The following CADM2 variants were observed in gnomAD, a reference collection of about 807,000 sequenced individuals.
CADM2 encodes cell adhesion molecule 2.
A neutral mutation model predicts 49.8 loss-of-function variants in CADM2; 12 were observed. That is an observed-to-expected ratio of 0.24 (90% CI 0.15 to 0.39). CADM2 has a LOEUF of 0.39. Ranked by LOEUF, CADM2 falls within the 10% of genes least tolerant of loss-of-function variation. The probability of loss-of-function intolerance (pLI) is 1.00; values close to 1 mark genes in which losing one functional copy is unlikely to be tolerated. For missense variants in CADM2, 378 were observed against 492.3 expected, an observed-to-expected ratio of 0.77 and a Z score of 2.20; for synonymous variants, 214 against 175.4, an observed-to-expected ratio of 1.22 and a Z score of -1.74.
chr3:85,131,481 T>G (rs928960699), intron 1 of CADM2, among the ~76,000 whole-genome samples: 6 of 152,182 alleles, frequency 3.9e-5, no homozygotes, highest in Non-Finnish European at 8.8e-5. Context: ...ACATAATAAT[T>G]TCTAGTGTGA....
At chr3:85,168,881 ATATATT>A (rs2040543268) in intron 1 of CADM2, among the ~76,000 whole-genome samples, 1 of 152,188 alleles carries the variant, frequency 6.6e-6, no homozygotes, top group South Asian at 2.1e-4. Flanking sequence ...GGCATTTAAT[ATATATT>A]TGAATAGTGG....
intron 2 of CADM2, among the ~76,000 whole-genome samples, chr3:85,776,516 A>G (rs527800713): frequency 6.6e-6 from 1 of 152,142 alleles, no homozygotes; most frequent in South Asian, 2.1e-4. Context: ...TATTTGAATG[A>G]ACAGTTGAAT....
chr3:85,706,851 GT>G (rs2066966126), intron 1 of CADM2, among the ~76,000 whole-genome samples: 1 of 152,100 alleles, frequency 6.6e-6, no homozygotes, highest in Non-Finnish European at 1.5e-5. Context: ...AGAAAAAGGG[GT>G]TTTAATAATT....
intron 1 of CADM2, among the ~76,000 whole-genome samples, chr3:85,678,803 G>A (rs1415305591): frequency 6.6e-6 from 1 of 152,154 alleles, no homozygotes; most frequent in Non-Finnish European, 1.5e-5. Flanking sequence ...CAATAGTGCA[G>A]GGTGGCAGAT....
chr3:85,637,823 A>G (rs1412624504), intron 1 of CADM2, among the ~76,000 whole-genome samples: 2 of 152,028 alleles, frequency 1.3e-5, no homozygotes, highest in African/African-American at 4.8e-5. Context: ...GCTTTCCTCC[A>G]GGAAAAAATA....
intron 8 of CADM2, among the ~76,000 whole-genome samples, chr3:86,061,456 G>A (rs916883832): frequency 1.1e-4 from 16 of 152,060 alleles, no homozygotes; most frequent in Non-Finnish European, 4.4e-5. Flanking sequence ...GTGGGGGACA[G>A]CTGGCTATAA....
chr3:85,363,696 C>G lies in CADM2; in HGVS notation c.62-362826C>G, dbSNP rs1439750630. 4.6e-5 allele frequency among the ~76,000 whole-genome samples: 7 copies of G among 152,202 alleles called. No individual in the cohort carries two copies. The East Asian group carries it at 1.3e-3, about 29-fold the overall frequency. ...GCTCGATCTTGGCTCACTGCAAGCT[C>G]CGCCTTCTGGATTCACGCCATTCTC... On this transcript the variant is annotated intron_variant, in intron 1 of 9. Transcript: ENST00000383699.
chr3:85,032,780 G>T (rs2035042663), intron 1 of CADM2, among the ~76,000 whole-genome samples: 1 of 151,966 alleles, frequency 6.6e-6, no homozygotes, highest in Admixed American at 6.6e-5. Context: ...GAGCATTCCT[G>T]CATGACTTAC....
intron 1 of CADM2, among the ~76,000 whole-genome samples, chr3:85,487,842 A>G (rs947161638): frequency 2.0e-5 from 3 of 151,988 alleles, no homozygotes; most frequent in African/African-American, 4.8e-5. Flanking sequence ...AATACAATCT[A>G]TCTGACAAAT....
chr3:85,740,815 G>A (rs537467960), intron 2 of CADM2, among the ~76,000 whole-genome samples: 15 of 152,252 alleles, frequency 9.9e-5, no homozygotes, highest in African/African-American at 3.6e-4. Context: ...CACTGTAGCA[G>A]TTCTGTAGCT....
rs1308724084 is a variant in CADM2, at chr3:85,630,307, TCTTTAATCA to T, written c.62-96214_62-96206del. On this transcript the variant is annotated intron_variant, in intron 1 of 9. Coordinates refer to ENST00000383699, the MANE Select transcript of CADM2 (RefSeq NM_001167675.2). ...TTCCATTCCGACTTATACCTGACAATCTTTAATCATGTATCTTGTTGCACAGGAATGACT... is the reference window on the plus strand; with the variant it reads ...TTCCATTCCGACTTATACCTGACAATTGTATCTTGTTGCACAGGAATGACT... Among the ~76,000 whole-genome samples, 6 of 152,090 alleles carry T rather than the reference TCTTTAATCA, an allele frequency of 3.9e-5. No homozygotes were observed. In the East Asian group the frequency reaches 1.2e-3, roughly 29 times the overall value.
intron 8 of CADM2, among the ~76,000 whole-genome samples, chr3:86,031,334 C>A (rs994885165): frequency 2.0e-5 from 3 of 151,672 alleles, no homozygotes; most frequent in Non-Finnish European, 4.4e-5. Context: ...ATTAAAATTT[C>A]AAATTATAAA....
chr3:85,746,625 A>C (rs926195808), intron 2 of CADM2, among the ~76,000 whole-genome samples: 4 of 152,080 alleles, frequency 2.6e-5, no homozygotes, highest in African/African-American at 9.7e-5. Flanking sequence ...CCTGAATAAA[A>C]GTCTCTTTCT....
At position 85,487,729 on chromosome 3, in the gene CADM2, TGTGTGTGTGCGTGTGTGC is replaced by T. The variant is rs1208141689; in HGVS notation, c.62-238775_62-238758del. On this transcript the variant is annotated intron_variant, in intron 1 of 9. Coordinates refer to ENST00000383699, the MANE Select transcript of CADM2 (RefSeq NM_001167675.2). ...ATTTGTCAAGAAATAAACCTCTGTG[TGTGTGTGTGCGTGTGTGC>T]GTGTGTGTGCGTGTGTGTGTGCGTG... is the stretch of plus-strand genomic sequence containing the variant. Among the ~76,000 whole-genome samples, 539 of 151,844 alleles carry T rather than the reference TGTGTGTGTGCGTGTGTGC, an allele frequency of 3.5e-3. 4 individuals are homozygous for T. The highest frequency in any genetic ancestry group is 0.013 in the African/African-American group (519 of 41,422).
chr3:85,058,369 A>G (rs2036173241), intron 1 of CADM2, among the ~76,000 whole-genome samples: 1 of 152,180 alleles, frequency 6.6e-6, no homozygotes, highest in Non-Finnish European at 1.5e-5. Context: ...TTGAGTGCAC[A>G]TAGGCAACAA....
At chr3:86,044,380 C>T (rs1736363695) in intron 8 of CADM2, among the ~76,000 whole-genome samples, 1 of 152,122 alleles carries the variant, frequency 6.6e-6, no homozygotes, top group Non-Finnish European at 1.5e-5. Context: ...AACAAACAAC[C>T]CCATCAACAA....
chr3:85,187,483 A>G (rs1199858108), intron 1 of CADM2, among the ~76,000 whole-genome samples: 1 of 152,140 alleles, frequency 6.6e-6, no homozygotes, highest in Non-Finnish European at 1.5e-5. Flanking sequence ...ATAAAACTAT[A>G]TGTAACTCTA....
intron 1 of CADM2, among the ~76,000 whole-genome samples, chr3:85,694,938 T>A (rs1265762267): frequency 2.1e-5 from 3 of 142,260 alleles, no homozygotes; most frequent in East Asian, 2.1e-4. Flanking sequence ...CTAAAAAAAA[T>A]AAAATAAAAA....
intron 1 of CADM2, among the ~76,000 whole-genome samples, chr3:85,643,529 T>C (rs1559565348): frequency 1.3e-5 from 2 of 152,058 alleles, no homozygotes; most frequent in African/African-American, 4.8e-5. Context: ...CTTGATTAGG[T>C]CTTTGCTTGA....
Sources: allele counts gnomAD v4.1 joint callset (sites outside exome capture counted in the v4.1 genomes callset), GRCh38; gene constraint gnomAD v4.1.1; transcripts MANE v1.5; gene names NCBI Gene and HGNC (gene_info 2026-07-23, HGNC 2026-07-21).